Variants in TADA2A observed in about 807,000 individuals in gnomAD.
TADA2A encodes transcriptional adapter 2-alpha.
A neutral mutation model predicts 67.4 loss-of-function variants in TADA2A; 38 were observed. The ratio of observed to expected loss-of-function variants is 0.56; its 90% CI spans 0.44 to 0.74. TADA2A has a LOEUF of 0.74. Ranked by LOEUF, TADA2A falls within the 30% of genes least tolerant of loss-of-function variation. TADA2A has a pLI of 0.00. For synonymous variants in TADA2A, 192 were observed against 181.6 expected, an observed-to-expected ratio of 1.06 and a Z score of -0.46; for missense variants, 454 against 547.0, an observed-to-expected ratio of 0.83 and a Z score of 1.70.
At chr17:37,451,980 C>T (rs2053246654) in intron 8 of TADA2A, among the ~76,000 whole-genome samples, 1 of 150,668 alleles carries the variant, frequency 6.6e-6, no homozygotes, top group African/African-American at 2.4e-5. Context: ...GCAAAACTGT[C>T]TCAAAAATAA....
Position 37,458,505 on chromosome 17 carries a change from T to G in TADA2A, c.605-19T>G. The G allele has an allele frequency of 6.3e-7, 1 of 1,580,000 alleles. No homozygotes were observed. Among genetic ancestry groups the G allele is most frequent in the Non-Finnish European group, 8.7e-7 (1 of 1,151,766 alleles). Reference sequence around the variant, plus strand: ...ATATATGATATGTATATATAGTATATGTATGAATTTATTTGTAGCTCTGAA... The same window carrying G: ...ATATATGATATGTATATATAGTATAGGTATGAATTTATTTGTAGCTCTGAA... On this transcript the variant is annotated intron_variant, in intron 8 of 15. Coordinates refer to ENST00000615182, the MANE Select transcript of TADA2A (RefSeq NM_001166105.3).
chr17:37,441,096 T>TAA (rs34338887), intron 6 of TADA2A, among the ~76,000 whole-genome samples: 9 of 132,076 alleles, frequency 6.8e-5, no homozygotes, highest in African/African-American at 2.3e-4. Flanking sequence ...CTTCATCTCT[T>TAA]AAAAAAAAAA....
chr17:37,464,213 A>G (rs2053611057), intron 10 of TADA2A, among the ~76,000 whole-genome samples: 1 of 152,214 alleles, frequency 6.6e-6, no homozygotes, highest in Non-Finnish European at 1.5e-5. Context: ...TCTCTGCATG[A>G]TATTTGCATG....
intron 9 of TADA2A, among the ~76,000 whole-genome samples, chr17:37,459,571 C>A (rs1167311084): frequency 6.7e-6 from 1 of 149,422 alleles, no homozygotes; most frequent in African/African-American, 2.4e-5. Flanking sequence ...GCGTGAGCCA[C>A]CGTGTTCAAC....
intron 10 of TADA2A, 66 bp from the exon 11 acceptor site, chr17:37,465,365 A>T (rs2053641816): frequency 7.7e-7 from 1 of 1,302,714 alleles, no homozygotes; most frequent in Non-Finnish European, 1.1e-6. Context: ...TAAAAAAAAA[A>T]AAATGCTGAA....
At chr17:37,463,215 A>G (rs922005260) in intron 10 of TADA2A, among the ~76,000 whole-genome samples, 1 of 152,190 alleles carries the variant, frequency 6.6e-6, no homozygotes, top group African/African-American at 2.4e-5. Flanking sequence ...GGCTTCCACA[A>G]CTAAGAAGGA....
At chr17:37,416,483 A>G (rs1314506615) in intron 2 of TADA2A, among the ~76,000 whole-genome samples, 1 of 151,732 alleles carries the variant, frequency 6.6e-6, no homozygotes, top group Non-Finnish European at 1.5e-5. Context: ...TACTTTCCTT[A>G]TGGTGTTTTT....
rs2148030471 is a variant in TADA2A at position 37,464,394 on chromosome 17, T to A, written c.713-1037T>A. 2.0e-5 allele frequency among the ~76,000 whole-genome samples: 3 copies of A among 152,348 alleles called. No homozygotes were observed. In the South Asian group the frequency reaches 6.2e-4, roughly 32 times the overall value. On this transcript the variant is annotated intron_variant, in intron 10 of 15. Transcript: ENST00000615182. The stretch of plus-strand genomic sequence containing the variant: ...ACTTTTTCTCAGCTAATGGGAAATC[T>A]TCTGGATGGATTATTTTGTCTGTAG...
At chr17:37,451,030 C>CTTT (rs142724520) in intron 8 of TADA2A, among the ~76,000 whole-genome samples, 1 of 148,640 alleles carries the variant, frequency 6.7e-6, no homozygotes, top group Non-Finnish European at 1.5e-5. Flanking sequence ...TATTCAGAGG[C>CTTT]TTTTTTTTTT....
At chr17:37,437,573 G>A (rs2052769233) in intron 4 of TADA2A, among the ~76,000 whole-genome samples, 165 bp from the exon 5 acceptor site, 1 of 151,854 alleles carries the variant, frequency 6.6e-6, no homozygotes, top group South Asian at 2.1e-4. Flanking sequence ...TTTTAGTAGA[G>A]ATGGAGTTTC....
chr17:37,448,606 T>G (rs917386130), intron 8 of TADA2A, among the ~76,000 whole-genome samples: 1 of 152,206 alleles, frequency 6.6e-6, no homozygotes, highest in African/African-American at 2.4e-5. Context: ...TCCTTTCATT[T>G]GTAAAAATTC....
At chr17:37,415,036 G>A (rs564835573) in intron 2 of TADA2A, among the ~76,000 whole-genome samples, 5 of 152,018 alleles carry the variant, frequency 3.3e-5, no homozygotes, top group Non-Finnish European at 7.4e-5. Context: ...GGAATTACAG[G>A]TGTCTGCCAC....
chr17:37,471,286 G>T (rs760354022), intron 14 of TADA2A, 149 bp downstream of exon 14: 5 of 766,564 alleles, frequency 6.5e-6, no homozygotes, highest in Non-Finnish European at 8.7e-6. Flanking sequence ...ATAAACATCA[G>T]TATGTTTTCA....
rs866964371 is a variant in TADA2A at position 37,420,037 on chromosome 17, A to G, written c.26-3472A>G. Among the ~76,000 whole-genome samples, 13 of 146,204 alleles carry G rather than the reference A, an allele frequency of 8.9e-5. 2 individuals carry two copies. Among genetic ancestry groups the G allele is most frequent in the Admixed American group, 5.5e-4 (8 of 14,452 alleles). On this transcript the variant is annotated intron_variant, in intron 2 of 15. Coordinates refer to ENST00000615182, the MANE Select transcript of TADA2A (RefSeq NM_001166105.3). ...CTCAAAAAAAAAAACTACTTTGCTC[A>G]GTGGCTGATGCCTTTTTTAAAAATA...
intron 2 of TADA2A, among the ~76,000 whole-genome samples, chr17:37,413,904 A>G (rs1026288058): frequency 1.3e-4 from 20 of 152,140 alleles, no homozygotes; most frequent in African/African-American, 4.8e-4. Flanking sequence ...CACCAAGATA[A>G]TAAGCATAGC....
At chr17:37,425,053 A>G (rs1163326325) in intron 3 of TADA2A, among the ~76,000 whole-genome samples, 2 of 150,150 alleles carry the variant, frequency 1.3e-5, no homozygotes, top group East Asian at 2.0e-4. Flanking sequence ...CTAATTTTTT[A>G]TATTTTTGGT....
intron 8 of TADA2A, among the ~76,000 whole-genome samples, chr17:37,449,774 C>G (rs1273326966): frequency 1.3e-5 from 2 of 152,154 alleles, no homozygotes; most frequent in African/African-American, 4.8e-5. Flanking sequence ...CGTGCACCAT[C>G]ACACCTGGCT....
chr17:37,442,647 A>G lies in TADA2A; in HGVS notation c.526A>G (p.Ile176Val). 1 of 1,613,650 alleles carries G rather than the reference A, an allele frequency of 6.2e-7. No individual in the cohort carries two copies. The highest frequency in any genetic ancestry group is 1.1e-5 in the South Asian group (1 of 91,000). The change falls in exon 7 of 16, where the codon ATT becomes GTT. Residue 176 changes from isoleucine to valine, a missense_variant. Ile to Val is a conservative substitution (Grantham distance 29, BLOSUM62 3). Coordinates refer to ENST00000615182, the MANE Select transcript of TADA2A (RefSeq NM_001166105.3). ...GTACATGCCAGCTCGAGCAGATTTC[A>G]TTGAGGTAGGATAAATGTGTTTTTA... ...AGYMPARADFIEEFDNYAEWD... is the reference protein window; with the variant it reads ...AGYMPARADFVEEFDNYAEWD...
intron 1 of TADA2A, among the ~76,000 whole-genome samples, chr17:37,410,159 T>G (rs1473017555): frequency 6.6e-6 from 1 of 151,542 alleles, no homozygotes; most frequent in East Asian, 1.9e-4. Flanking sequence ...CAATGAGTAC[T>G]CCAGCCTGGG....
Sources: gnomAD v4.1 joint callset for allele counts (sites outside exome capture counted in the v4.1 genomes callset) on GRCh38, gnomAD v4.1.1 for gene constraint, MANE v1.5 for transcripts, NCBI Gene and HGNC (gene_info 2026-07-23, HGNC 2026-07-21) for gene names.